Variants in TTLL7 observed in about 807,000 individuals in gnomAD.
TTLL7 encodes tubulin polyglutamylase TTLL7.
TTLL7 carries 53 observed loss-of-function variants against 120.2 expected under a neutral mutation model. The ratio of observed to expected loss-of-function variants is 0.44; its 90% confidence interval spans 0.35 to 0.55. TTLL7 has a LOEUF of 0.55. Ranked by LOEUF, TTLL7 falls within the 20% of genes least tolerant of loss-of-function variation. TTLL7 has a pLI of 0.00. For missense variants in TTLL7, 803 were observed against 1,054.7 expected, an observed-to-expected ratio of 0.76 and a Z score of 3.31; for synonymous variants, 353 against 351.7, an observed-to-expected ratio of 1.00 and a Z score of -0.04.
chr1:83,930,533 C>T (rs1246498458), intron 9 of TTLL7, among the ~76,000 whole-genome samples: 1 of 152,108 alleles, frequency 6.6e-6, no homozygotes, highest in East Asian at 1.9e-4. Flanking sequence ...ATTACGAAAG[C>T]TCTAAGCATT....
chr1:83,917,478 C>T (rs1658288234), intron 14 of TTLL7, 126 bp downstream of exon 14: 1 of 631,440 alleles, frequency 1.6e-6, no homozygotes, highest in Middle Eastern at 2.6e-4. Flanking sequence ...CCAAACTTTA[C>T]CTGCACTGGG....
chr1:83,914,395 G>C (rs892626310), intron 14 of TTLL7, among the ~76,000 whole-genome samples: 1 of 132,068 alleles, frequency 7.6e-6, no homozygotes, highest in Non-Finnish European at 1.5e-5. Flanking sequence ...GCAGTGGCGC[G>C]ATCTTGGCTC....
At chr1:83,912,931 A>G (rs909235707) in intron 14 of TTLL7, 1 of 152,186 alleles carries the variant, frequency 6.6e-6, no homozygotes, top group African/African-American at 2.4e-5. Context: ...AGTTTAGCAT[A>G]CCCAGAAGAA....
In TTLL7 at chr1:83,921,335, T is replaced by C. The variant is rs765259021; in HGVS notation, c.1202A>G (p.Tyr401Cys). Reference sequence around the variant, plus strand: ...GAGCCTTTTAATTGAATTTTGACCATAGAGCCTCCTTTGAGCCTCAGCTTT... The same window carrying C: ...GAGCCTTTTAATTGAATTTTGACCACAGAGCCTCCTTTGAGCCTCAGCTTT... ...KQKAEAQRRL[Y>C]GQNSIKRLLP... Residue 401 changes from tyrosine (Y) to cysteine (C), a missense_variant, in exon 11 of 21, where the codon TAT becomes TGT. Physicochemically the swap from Tyr to Cys is radical, Grantham distance 194. Coordinates refer to ENST00000260505, the MANE Select transcript of TTLL7 (RefSeq NM_024686.6). 7 of 1,612,470 alleles carry C rather than the reference T, an allele frequency of 4.3e-6. No homozygotes were observed. The highest frequency in any genetic ancestry group is 5.9e-6 in the Non-Finnish European group (7 of 1,179,796).
At chr1:83,888,551 T>C (rs1295736440) in intron 19 of TTLL7, among the ~76,000 whole-genome samples, 1 of 152,042 alleles carries the variant, frequency 6.6e-6, no homozygotes, top group Non-Finnish European at 1.5e-5. Context: ...GTTAAGGTTT[T>C]ACAGAAGAGG....
At chr1:83,896,238 C>T (rs1294789081) in intron 18 of TTLL7, among the ~76,000 whole-genome samples, 1 of 151,988 alleles carries the variant, frequency 6.6e-6, no homozygotes, top group Admixed American at 6.6e-5. Context: ...CATTTCCTTA[C>T]ATTATGACTT....
At chr1:83,996,397 G>C (rs1653480372) in intron 1 of TTLL7, among the ~76,000 whole-genome samples, 1 of 152,182 alleles carries the variant, frequency 6.6e-6, no homozygotes, top group African/African-American at 2.4e-5. Flanking sequence ...GTTTCTTCAT[G>C]ATCTTTCACC....
chr1:83,963,148 T>C (rs575249685), intron 1 of TTLL7, among the ~76,000 whole-genome samples: 2 of 152,018 alleles, frequency 1.3e-5, no homozygotes, highest in African/African-American at 2.4e-5. Context: ...TTAGGTGGAG[T>C]TGATGCCAAT....
intron 6 of TTLL7, among the ~76,000 whole-genome samples, chr1:83,944,931 T>C (rs932996632): frequency 4.6e-5 from 7 of 152,288 alleles, no homozygotes; most frequent in Admixed American, 3.9e-4. Flanking sequence ...TTGGTAGTAA[T>C]ATAGACTGGA....
At chr1:83,973,081 C>A (rs1315150271) in intron 1 of TTLL7, among the ~76,000 whole-genome samples, 1 of 151,952 alleles carries the variant, frequency 6.6e-6, no homozygotes, top group Non-Finnish European at 1.5e-5. Context: ...TTAATGAAGT[C>A]CAGCTTATCA....
At position 83,974,473 on chromosome 1, in the gene TTLL7, TC is replaced by T. The variant is rs202145290; in HGVS notation, c.-176-22087del. On this transcript the variant is annotated intron_variant, in intron 1 of 20. Transcript: ENST00000260505. Reference sequence around the variant, plus strand: ...CACAATACATTTTCTAAGCCCAAAATCCAAAACGATAACAATTAACAAAAAG... The same window carrying T: ...CACAATACATTTTCTAAGCCCAAAATCAAAACGATAACAATTAACAAAAAG... Among the ~76,000 whole-genome samples the T allele has an allele frequency of 3.9e-4, 59 of 152,018 alleles. No individual in the cohort carries two copies. The East Asian group carries it at 0.011, about 28-fold the overall frequency.
At chr1:83,879,972 A>G (rs553180714) in intron 20 of TTLL7, 4 of 152,166 alleles carry the variant, frequency 2.6e-5, no homozygotes, top group African/African-American at 9.6e-5. Context: ...AACAGAAATT[A>G]GTTTATGAAA....
intron 19 of TTLL7, among the ~76,000 whole-genome samples, chr1:83,886,139 T>G (rs2100716779): frequency 6.6e-6 from 1 of 152,178 alleles, no homozygotes; most frequent in Middle Eastern, 3.4e-3. Context: ...AATCCTCACA[T>G]TATCCAGTAA....
chr1:83,978,672 T>A (rs1651704991), intron 1 of TTLL7, among the ~76,000 whole-genome samples: 2 of 152,134 alleles, frequency 1.3e-5, no homozygotes, highest in South Asian at 4.1e-4. Flanking sequence ...CAGAATTATA[T>A]CAGAAGGCTT....
chr1:83,953,163 G>A (rs1381468170), intron 1 of TTLL7, among the ~76,000 whole-genome samples: 2 of 152,092 alleles, frequency 1.3e-5, no homozygotes, highest in Non-Finnish European at 2.9e-5. Context: ...ATTTGATCTG[G>A]CTACATCTCA....
intron 20 of TTLL7, among the ~76,000 whole-genome samples, chr1:83,872,164 T>C (rs1025217775): frequency 6.6e-6 from 1 of 152,192 alleles, no homozygotes; most frequent in African/African-American, 2.4e-5. Flanking sequence ...CATTTTGTCA[T>C]GAATTATCTA....
chr1:83,923,901 T>C (rs762475297), intron 10 of TTLL7, among the ~76,000 whole-genome samples: 2 of 152,164 alleles, frequency 1.3e-5, no homozygotes, highest in African/African-American at 4.8e-5. Context: ...ACTTATTACC[T>C]TATAATTCCA....
intron 7 of TTLL7, among the ~76,000 whole-genome samples, chr1:83,941,363 A>C (rs1310544018): frequency 6.6e-6 from 1 of 152,242 alleles, no homozygotes; most frequent in East Asian, 1.9e-4. Context: ...CACAGTGCCC[A>C]GAATGTAGTA....
At chr1:83,982,564 A>C (rs901630898) in intron 1 of TTLL7, among the ~76,000 whole-genome samples, 11 of 152,038 alleles carry the variant, frequency 7.2e-5, no homozygotes, top group South Asian at 2.1e-4. Flanking sequence ...GCCACACACA[A>C]AAAAAATGAT....
Sources: allele counts gnomAD v4.1 joint callset (sites outside exome capture counted in the v4.1 genomes callset), GRCh38; gene constraint gnomAD v4.1.1; transcripts MANE v1.5; gene names NCBI Gene and HGNC (gene_info 2026-07-23, HGNC 2026-07-21).